LIPK: variants seen among roughly 807,000 people sequenced by gnomAD.
The protein encoded by LIPK is lipase member K.
In LIPK, 32 loss-of-function variants were observed where a neutral mutation model predicts 48.6. The observed-to-expected ratio is 0.66, with a 90% CI of 0.50 to 0.88. The LOEUF is 0.88. Among genes scored for constraint, LIPK ranks in the 40% least tolerant of loss-of-function variants. LIPK has a pLI of 0.00. For synonymous variants in LIPK, 164 were observed against 157.4 expected (o/e 1.04, Z -0.32); for missense variants, 507 against 478.5 (o/e 1.06, Z -0.56).
chr10:88,736,578 T>G (rs1343242603), intron 6 of LIPK, among the ~76,000 whole-genome samples: 1 of 152,230 alleles, frequency 6.6e-6, no homozygotes, highest in African/African-American at 2.4e-5. Flanking sequence ...GGATCTGACT[T>G]TAACCGGTAA....
chr10:88,724,595 T>C lies in LIPK; in HGVS notation c.52T>C (p.Tyr18His). The change falls in exon 2 of 10, where the codon TAT becomes CAT. Residue 18 changes from tyrosine to histidine, a missense_variant. Tyr to His is a moderately conservative substitution (Grantham distance 83, BLOSUM62 2). Coordinates refer to ENST00000404190, the MANE Select transcript of LIPK (RefSeq NM_001080518.2). ...ACWMLLLGSM[Y>H]GYDKKGNNAN... ...CTGGATGCTTCTTCTTGGATCTATGTATGGTTATGACAAGAAAGGAAACAA... is the reference window on the plus strand; with the variant it reads ...CTGGATGCTTCTTCTTGGATCTATGCATGGTTATGACAAGAAAGGAAACAA... The C allele has an allele frequency of 6.2e-7, 1 of 1,609,258 alleles. No individual in the cohort carries two copies. Among genetic ancestry groups the C allele is most frequent in the South Asian group, 1.1e-5 (1 of 89,548 alleles).
At chr10:88,723,702 T>A (rs987843957) in intron 1 of LIPK, among the ~76,000 whole-genome samples, 1 of 152,094 alleles carries the variant, frequency 6.6e-6, no homozygotes, top group Non-Finnish European at 1.5e-5. Flanking sequence ...TGAAAAACAC[T>A]TTAAAAATGA....
chr10:88,709,627 C>G (rs903606019), intron 1 of LIPK, among the ~76,000 whole-genome samples: 1 of 151,990 alleles, frequency 6.6e-6, no homozygotes, highest in Non-Finnish European at 1.5e-5. Flanking sequence ...CAAGTGCATC[C>G]TCTTTCTATT....
chr10:88,748,662 C>A (rs410713), intron 9 of LIPK, among the ~76,000 whole-genome samples: 36,368 of 151,252 alleles, frequency 0.24, 4,538 homozygotes, highest in East Asian at 0.37. Context: ...AATGCCATTT[C>A]TGACAAACCC....
chr10:88,730,992 C>A lies in LIPK; in HGVS notation c.233C>A (p.Pro78His), dbSNP rs764977020. The change falls in exon 4 of 10, where the codon CCT becomes CAT. Residue 78 changes from proline (P) to histidine (H), a missense_variant. Transcript: ENST00000404190. ...RGCPGRTAPK[P>H]AVYLQHGLIA... The stretch of plus-strand genomic sequence containing the variant: ...TGCCTGTGTTTTGCAGCTCCAAAGC[C>A]TGCTGTGTATTTGCAGCATGGCTTA... 4 of 1,580,886 alleles carry A rather than the reference C, an allele frequency of 2.5e-6. No individual in the cohort carries two copies. Among genetic ancestry groups the A allele is most frequent in the Non-Finnish European group, 2.6e-6 (3 of 1,163,540 alleles).
Position 88,724,660 on chromosome 10 carries a change from ATTC to A in LIPK, c.105+13_105+15del. 1 of 1,413,028 alleles carries A rather than the reference ATTC, an allele frequency of 7.1e-7. No individual in the cohort carries two copies. Among genetic ancestry groups the A allele is most frequent in the South Asian group, 1.3e-5 (1 of 77,664 alleles). 87.5% of individuals were successfully genotyped at this position (1,413,028 alleles called of 1,614,324 possible). A position where few individuals can be genotyped will look rare whatever the true frequency, so the allele number is the denominator to read the frequency against. On this transcript the variant is annotated intron_variant, in intron 2 of 9. Coordinates refer to ENST00000404190, the MANE Select transcript of LIPK (RefSeq NM_001080518.2). ...CTAATATGAATATTGTAAGTCATTT[ATTC>A]AGAAAAAAATGCTAAAATAAGGAAT...
chr10:88,732,439 C>G lies in LIPK; in HGVS notation c.557C>G (p.Pro186Arg), dbSNP rs770143129. The G allele has an allele frequency of 1.9e-6, 3 of 1,613,260 alleles. No homozygotes were observed. In the Admixed American group the frequency reaches 5.0e-5, roughly 27 times the overall value. The change falls in exon 6 of 10, where the codon CCA becomes CGA. Residue 186 changes from proline to arginine, a missense_variant. Transcript: ENST00000404190. Reference protein sequence around the residue: ...TIAFIAFSTNPELAKKIKIFF... With the variant: ...TIAFIAFSTNRELAKKIKIFF... ...GCTTTTATAGCATTTTCTACAAACC[C>G]AGAACTGGCTAAAAAGATTAAGATA...
intron 1 of LIPK, among the ~76,000 whole-genome samples, chr10:88,721,176 T>C (rs1842219032): frequency 1.3e-5 from 2 of 151,874 alleles, no homozygotes; most frequent in African/African-American, 2.4e-5. Flanking sequence ...GGATATATGA[T>C]ATTATATAGA....
rs367705617 is a variant in LIPK at position 88,719,329 on chromosome 10, A to G, written c.-11-5204A>G. Reference sequence around the variant, plus strand: ...TTGCCTAGCAATCACACAACTAATAATAAAAACAGTAATAGTCAATAGTTA... The same window carrying G: ...TTGCCTAGCAATCACACAACTAATAGTAAAAACAGTAATAGTCAATAGTTA... On this transcript the variant is annotated intron_variant, in intron 1 of 9. Transcript: ENST00000404190. Among the ~76,000 whole-genome samples the G allele has an allele frequency of 2.0e-3, 303 of 152,352 alleles. 3 individuals carry two copies. The highest frequency in any genetic ancestry group is 6.8e-3 in the African/African-American group (284 of 41,588).
At chr10:88,734,448 A>T (rs1842529324) in intron 6 of LIPK, among the ~76,000 whole-genome samples, 1 of 152,170 alleles carries the variant, frequency 6.6e-6, no homozygotes, top group South Asian at 2.1e-4. Context: ...TCATGTTGGA[A>T]ATGTAGAGGC....
At chr10:88,725,750 T>A (rs1043541353) in intron 2 of LIPK, among the ~76,000 whole-genome samples, 3 of 152,228 alleles carry the variant, frequency 2.0e-5, no homozygotes, top group Admixed American at 6.5e-5. Context: ...ACGCAGAAGA[T>A]ACCAGTAATC....
chr10:88,729,119 T>C (rs570608496), intron 3 of LIPK, among the ~76,000 whole-genome samples: 1 of 152,116 alleles, frequency 6.6e-6, no homozygotes, highest in African/African-American at 2.4e-5. Flanking sequence ...AGTCTATTTT[T>C]TTTTTCTGAA....
intron 6 of LIPK, among the ~76,000 whole-genome samples, chr10:88,732,941 T>C (rs956581018): frequency 6.6e-6 from 1 of 152,196 alleles, no homozygotes; most frequent in African/African-American, 2.4e-5. Context: ...GTTATTTCTA[T>C]GATTTGCAAG....
At chr10:88,715,289 T>A (rs528060172) in intron 1 of LIPK, among the ~76,000 whole-genome samples, 53 of 152,288 alleles carry the variant, frequency 3.5e-4, no homozygotes, top group African/African-American at 9.4e-4. Flanking sequence ...CAGTTTGATC[T>A]TCTCATATTC....
intron 9 of LIPK, among the ~76,000 whole-genome samples, chr10:88,747,629 A>C (rs419912): frequency 2.6e-5 from 4 of 152,074 alleles, no homozygotes; most frequent in South Asian, 2.1e-4. Flanking sequence ...AAAATAATAA[A>C]AGCCATCTCA....
At chr10:88,724,930 C>T (rs1769690) in intron 2 of LIPK, among the ~76,000 whole-genome samples, 117,993 of 151,882 alleles carry the variant, frequency 0.78, 46,810 homozygotes, top group East Asian at 1. Context: ...CTATAGAGTA[C>T]CTTTGAGTTT....
At chr10:88,718,601 A>G (rs1053997043) in intron 1 of LIPK, among the ~76,000 whole-genome samples, 1 of 151,982 alleles carries the variant, frequency 6.6e-6, no homozygotes, top group East Asian at 1.9e-4. Context: ...CAAATTTGTT[A>G]AGACAAAATT....
rs952068122 is a variant in LIPK, at chr10:88,735,615, G to A, written c.670-2020G>A. Among the ~76,000 whole-genome samples the A allele has an allele frequency of 4.6e-5, 7 of 152,390 alleles. No homozygotes were observed. The East Asian group carries it at 1.3e-3, about 29-fold the overall frequency. On this transcript the variant is annotated intron_variant, in intron 6 of 9. Transcript: ENST00000404190. ...TTGTTGAGGACTGAAACCAGCCCAT[G>A]TTCTGCTTTGGCAAGCCATATGCCC...
rs767077383 is a variant in LIPK, at chr10:88,737,686, A to C, written c.721A>C (p.Ile241Leu). ...FHPHTLFDQF[I>L]ATKVCNRKLF... is the part of the protein sequence containing the mutation. ...CCCTCATACATTGTTTGACCAATTCATTGCCACCAAAGTGTGCAATCGAAA... is the reference window on the plus strand; with the variant it reads ...CCCTCATACATTGTTTGACCAATTCCTTGCCACCAAAGTGTGCAATCGAAA... Residue 241 changes from isoleucine to leucine, a missense_variant, in exon 7 of 10, where the codon ATT becomes CTT. By Grantham distance (5) the Ile-to-Leu change is conservative (BLOSUM62 2). Transcript: ENST00000404190. 3 of 1,613,910 alleles carry C rather than the reference A, an allele frequency of 1.9e-6. No homozygotes were observed. Among genetic ancestry groups the C allele is most frequent in the Non-Finnish European group, 2.5e-6 (3 of 1,179,792 alleles).
Sources: allele counts gnomAD v4.1 joint callset (sites outside exome capture counted in the v4.1 genomes callset), GRCh38; gene constraint gnomAD v4.1.1; transcripts MANE v1.5; gene names NCBI Gene and HGNC (gene_info 2026-07-23, HGNC 2026-07-21).